ATP11A: variants seen among roughly 807,000 people sequenced by gnomAD.
ATP11A encodes the protein ATPase phospholipid transporting 11A, also known as phospholipid-transporting ATPase IH.
ATP11A carries 81 observed loss-of-function variants against 154.4 expected under a neutral mutation model. The ratio of observed to expected loss-of-function variants is 0.52; its 90% confidence interval spans 0.44 to 0.63. The LOEUF (loss-of-function observed/expected upper bound fraction) is 0.63. ATP11A is among the 30% of genes least tolerant of loss of function. The probability of loss-of-function intolerance (pLI) is 0.00; values close to 1 mark genes in which losing one functional copy is unlikely to be tolerated. For missense variants in ATP11A, 1,316 were observed against 1,474.3 expected (o/e 0.89, Z 1.76); for synonymous variants, 623 against 585.9 (o/e 1.06, Z -0.91).
chr13:112,870,890 TGTCCTCACGGGTCGGGCACGCG>T (rs1267586295), intron 25 of ATP11A, among the ~76,000 whole-genome samples: 7 of 152,242 alleles, frequency 4.6e-5, no homozygotes, highest in Admixed American at 1.3e-4. Context: ...AGAGGCGTGC[TGTCCTCACGGGTCGGGCACGCG>T]GTCCTCACGG....
intron 1 of ATP11A, among the ~76,000 whole-genome samples, chr13:112,719,124 C>T (rs1200149601): frequency 1.3e-5 from 2 of 151,982 alleles, no homozygotes; most frequent in Non-Finnish European, 2.9e-5. Context: ...TCTTGGTGAA[C>T]AGTTGGAGGG....
At chr13:112,694,346 T>C (rs1477158991) in intron 1 of ATP11A, among the ~76,000 whole-genome samples, 1 of 152,124 alleles carries the variant, frequency 6.6e-6, no homozygotes, top group Non-Finnish European at 1.5e-5. Flanking sequence ...CTGGGTAGGG[T>C]TGGCTGGGGA....
chr13:112,822,294 GT>G (rs2140209784), intron 8 of ATP11A, among the ~76,000 whole-genome samples: 1 of 152,320 alleles, frequency 6.6e-6, no homozygotes, highest in African/African-American at 2.4e-5. Context: ...AGGGAACCCT[GT>G]TATATCAAGA....
At position 112,886,972 on chromosome 13, in the gene ATP11A, T is replaced by C. The variant is rs1385000557; in HGVS notation, c.*5106T>C. On this transcript the variant is annotated 3_prime_UTR_variant, in exon 30 of 30. Coordinates refer to ENST00000375645, the MANE Select transcript of ATP11A (RefSeq NM_015205.3). ...CATTAATCAGCTTTGAAAAATTAAATTGTTAATTAAACCAATCTAACATTT... is the reference window on the plus strand; with the variant it reads ...CATTAATCAGCTTTGAAAAATTAAACTGTTAATTAAACCAATCTAACATTT... 2 of 152,252 alleles carry C rather than the reference T, an allele frequency of 1.3e-5. No individual in the cohort carries two copies. The allele number at this position is 152,252 out of a possible 1,614,324, so 9.4% of individuals were successfully genotyped here.
chr13:112,759,426 A>G (rs190403537), intron 1 of ATP11A, among the ~76,000 whole-genome samples: 1 of 152,342 alleles, frequency 6.6e-6, no homozygotes, highest in Admixed American at 6.5e-5. Flanking sequence ...CCTGCTCTGA[A>G]GACTTCCTAA....
chr13:112,823,720 C>G (rs895152223), intron 9 of ATP11A, among the ~76,000 whole-genome samples: 1 of 152,214 alleles, frequency 6.6e-6, no homozygotes, highest in Non-Finnish European at 1.5e-5. Flanking sequence ...CGTTTCTTGA[C>G]TAGGATCTCC....
At chr13:112,698,065 T>A (rs913493602) in intron 1 of ATP11A, among the ~76,000 whole-genome samples, 2 of 152,220 alleles carry the variant, frequency 1.3e-5, no homozygotes, top group African/African-American at 4.8e-5. Context: ...CAGGCTCCTC[T>A]GATGTGGCTG....
In ATP11A at chr13:112,807,857, C is replaced by T. The variant is rs1047336609; in HGVS notation, c.333+1564C>T. On this transcript the variant is annotated intron_variant, in intron 4 of 29. Coordinates refer to ENST00000375645, the MANE Select transcript of ATP11A (RefSeq NM_015205.3). This position sits in a 1 kb window ranked among gnomAD's most constrained non-coding sequence, Gnocchi z 4.5. ...AGCAGAGAGAAGGGGCGCGGGGGTGCAGAACAAGGGGCTGAGGCTCTATGG... is the reference window on the plus strand; with the variant it reads ...AGCAGAGAGAAGGGGCGCGGGGGTGTAGAACAAGGGGCTGAGGCTCTATGG... Among the ~76,000 whole-genome samples the T allele has an allele frequency of 2.0e-4, 30 of 152,080 alleles. No homozygotes were observed. Among genetic ancestry groups the T allele is most frequent in the African/African-American group, 7.0e-4 (29 of 41,398 alleles).
chr13:112,732,510 ATC>A (rs1890594081), intron 1 of ATP11A, among the ~76,000 whole-genome samples: 1 of 151,938 alleles, frequency 6.6e-6, no homozygotes, highest in South Asian at 2.1e-4. Flanking sequence ...CTCCAGCTGC[ATC>A]TCTCTGCATT....
intron 29 of ATP11A, 58 bp downstream of exon 29, chr13:112,878,361 T>G (rs755804943): frequency 1.5e-5 from 24 of 1,572,838 alleles, no homozygotes; most frequent in Middle Eastern, 1.7e-4. Context: ...AGCAGGGCCA[T>G]GCCCATCACC....
intron 25 of ATP11A, among the ~76,000 whole-genome samples, chr13:112,865,204 AGTGCAGCAC>A (rs1407219125): frequency 4.3e-5 from 5 of 115,020 alleles, no homozygotes; most frequent in African/African-American, 1.7e-4. Context: ...GCAGTAATTC[AGTGCAGCAC>A]GTGCAGCTTC....
intron 16 of ATP11A, among the ~76,000 whole-genome samples, chr13:112,841,574 C>G (rs141348517): frequency 1.3e-5 from 2 of 148,354 alleles, no homozygotes; most frequent in Non-Finnish European, 3.0e-5. Flanking sequence ...GGAGCACCTG[C>G]GCCCAGGCAC....
chr13:112,738,088 TG>T (rs896482548), intron 1 of ATP11A, among the ~76,000 whole-genome samples: 2 of 152,122 alleles, frequency 1.3e-5, no homozygotes, highest in African/African-American at 4.8e-5. Context: ...AGCTCCAACT[TG>T]GGCTGGGCAC....
intron 1 of ATP11A, among the ~76,000 whole-genome samples, chr13:112,692,369 C>T (rs1261147865): frequency 6.6e-6 from 1 of 152,220 alleles, no homozygotes; most frequent in Non-Finnish European, 1.5e-5. Context: ...CCGGCTCACC[C>T]TTTGGAGAAT....
In ATP11A at chr13:112,882,398, C is replaced by T. The variant is rs9603977; in HGVS notation, c.*532C>T. On this transcript the variant is annotated 3_prime_UTR_variant, in exon 30 of 30. Coordinates refer to ENST00000375645, the MANE Select transcript of ATP11A (RefSeq NM_015205.3). The surrounding 1 kb of genome is among the most constrained non-coding windows in gnomAD (Gnocchi z 5.1). ...ATGTGGATGCCACATGCTGCTGTTTCCTGCTTGCCCGGCCACCACCCATGC... is the reference window on the plus strand; with the variant it reads ...ATGTGGATGCCACATGCTGCTGTTTTCTGCTTGCCCGGCCACCACCCATGC... The T allele has an allele frequency of 0.016, 6,244 of 395,340 alleles. 343 individuals carry two copies. The highest frequency in any genetic ancestry group is 0.12 in the African/African-American group (5,777 of 49,002). The allele number at this position is 395,340 out of a possible 1,614,324, so 24.5% of individuals were successfully genotyped here. A position where few individuals can be genotyped will look rare whatever the true frequency, so the allele number is the denominator to read the frequency against.
chr13:112,761,328 C>T (rs1163284261), intron 1 of ATP11A, among the ~76,000 whole-genome samples: 1 of 152,228 alleles, frequency 6.6e-6, no homozygotes. Flanking sequence ...ATGGTACGCT[C>T]AGCAATCTCA....
chr13:112,764,190 G>A (rs1410388708), intron 1 of ATP11A, among the ~76,000 whole-genome samples: 1 of 152,192 alleles, frequency 6.6e-6, no homozygotes, highest in Admixed American at 6.5e-5. Flanking sequence ...CCTGACCCTA[G>A]GCGTCCTGGC....
Position 112,690,404 on chromosome 13 carries a change from G to T in ATP11A, c.-13G>T. The T allele has an allele frequency of 7.7e-7, 1 of 1,299,582 alleles. No individual in the cohort carries two copies. Among genetic ancestry groups the T allele is most frequent in the Non-Finnish European group, 9.8e-7 (1 of 1,023,824 alleles). 80.5% of individuals were successfully genotyped at this position (1,299,582 alleles called of 1,614,324 possible). The stretch of plus-strand genomic sequence containing the variant: ...GGGCGCTGAACGGCGGAGCGGGAGC[G>T]GCCGGAGGAGCCATGGACTGCAGCC... On this transcript the variant is annotated 5_prime_UTR_variant, in exon 1 of 30. Coordinates refer to ENST00000375645, the MANE Select transcript of ATP11A (RefSeq NM_015205.3). This position sits in a 1 kb window ranked among gnomAD's most constrained non-coding sequence, Gnocchi z 5.6.
rs976650572 is a variant in ATP11A, at chr13:112,859,662, G to A, written c.2727+210G>A. Among the ~76,000 whole-genome samples the A allele has an allele frequency of 6.6e-6, 1 of 152,194 alleles. No homozygotes were observed. Among genetic ancestry groups the A allele is most frequent in the Non-Finnish European group, 1.5e-5 (1 of 68,032 alleles). On this transcript the variant is annotated intron_variant, in intron 23 of 29. Coordinates refer to ENST00000375645, the MANE Select transcript of ATP11A (RefSeq NM_015205.3). This position sits in a 1 kb window ranked among gnomAD's most constrained non-coding sequence, Gnocchi z 4.3. Reference sequence around the variant, plus strand: ...GGAGTTGCCGTCCTGGAGGCCCCTTGTTCCATGTCTTCTGAAACTGCCGTG... The same window carrying A: ...GGAGTTGCCGTCCTGGAGGCCCCTTATTCCATGTCTTCTGAAACTGCCGTG...
Sources: gnomAD v4.1 joint callset for allele counts (sites outside exome capture counted in the v4.1 genomes callset) on GRCh38, gnomAD v4.1.1 for gene constraint, Gnocchi (gnomAD v3.1) non-coding constraint, MANE v1.5 for transcripts, NCBI Gene and HGNC (gene_info 2026-07-23, HGNC 2026-07-21) for gene names.